Variants in ACSF3 observed in about 807,000 individuals in gnomAD.
ACSF3 encodes acyl-CoA synthetase family member 3, also known as malonate--CoA ligase ACSF3, mitochondrial.
ACSF3 carries 78 observed loss-of-function variants against 53.2 expected under a neutral mutation model. That is an observed-to-expected ratio of 1.47 (90% CI 1.22 to 1.77). ACSF3 has a LOEUF of 1.77. Ranked by LOEUF, ACSF3 falls within the 40% of genes most tolerant of loss-of-function variation. ACSF3 has a pLI of 0.00. For missense variants in ACSF3, 937 were observed against 771.1 expected, an observed-to-expected ratio of 1.22 and a Z score of -2.55; for synonymous variants, 414 against 333.1, an observed-to-expected ratio of 1.24 and a Z score of -2.65.
At chr16:89,132,599 C>A (rs1234886878) in intron 7 of ACSF3, among the ~76,000 whole-genome samples, 1 of 152,266 alleles carries the variant, frequency 6.6e-6, no homozygotes, top group Non-Finnish European at 1.5e-5. Context: ...CCCCACCTTC[C>A]CTTCCCACGG....
At chr16:89,097,239 T>C (rs1597870632) in intron 1 of ACSF3, among the ~76,000 whole-genome samples, 1 of 152,354 alleles carries the variant, frequency 6.6e-6, no homozygotes, top group East Asian at 1.9e-4. Context: ...ACTCGGTTCT[T>C]TGTGGTCTGC....
At chr16:89,135,718 C>G (rs1193725042) in intron 8 of ACSF3, among the ~76,000 whole-genome samples, 1 of 152,248 alleles carries the variant, frequency 6.6e-6, no homozygotes, top group East Asian at 1.9e-4. Flanking sequence ...GAGCATCCCT[C>G]CAGTGCCCTC....
intron 3 of ACSF3, among the ~76,000 whole-genome samples, chr16:89,101,989 G>C (rs1048014347): frequency 2.6e-5 from 4 of 152,172 alleles, no homozygotes; most frequent in African/African-American, 9.7e-5. Flanking sequence ...GACGGGCTCT[G>C]GACTCCTCTG....
intron 5 of ACSF3, 103 bp downstream of exon 5, chr16:89,112,349 T>C: frequency 6.1e-6 from 9 of 1,469,986 alleles, no homozygotes; most frequent in Non-Finnish European, 8.5e-6. Flanking sequence ...GAAGCAGTGC[T>C]TTCCATTTCC....
intron 5 of ACSF3, 97 bp from the exon 6 acceptor site, chr16:89,114,242 C>A: frequency 6.4e-7 from 1 of 1,565,226 alleles, no homozygotes; most frequent in Non-Finnish European, 8.7e-7. Flanking sequence ...GCCACTTTTG[C>A]AAGCAAGGGC....
chr16:89,145,043 TG>T, intron 8 of ACSF3: 1 of 1,258,356 alleles, frequency 7.9e-7, no homozygotes, highest in Non-Finnish European at 1.1e-6. Context: ...CCCCACATCA[TG>T]GGCACAGTCC....
intron 8 of ACSF3, among the ~76,000 whole-genome samples, chr16:89,144,220 T>C (rs1287175711): frequency 6.6e-6 from 1 of 152,244 alleles, no homozygotes; most frequent in Non-Finnish European, 1.5e-5. Context: ...GCTGGTGGTG[T>C]CTGTGTTGAG....
Position 89,101,289 on chromosome 16 carries a change from G to A in ACSF3, c.608G>A (p.Ser203Asn). The change falls in exon 3 of 11, where the codon AGT (serine) becomes AAT (asparagine). Residue 203 changes from serine to asparagine, a missense_variant. Coordinates refer to ENST00000614302, the MANE Select transcript of ACSF3 (RefSeq NM_001243279.3). The stretch of plus-strand genomic sequence containing the variant: ...AAGGGCGCCATGATCATCTACACCA[G>A]TGGGACCACGGGGAGGCCCAAGGGC... ...RNKGAMIIYTSGTTGRPKGVL... is the reference protein window; with the variant it reads ...RNKGAMIIYTNGTTGRPKGVL... The A allele has an allele frequency of 6.2e-7, 1 of 1,603,112 alleles. No homozygotes were observed. Among genetic ancestry groups the A allele is most frequent in the Non-Finnish European group, 8.5e-7 (1 of 1,175,400 alleles).
chr16:89,140,380 G>T (rs1911518558), intron 8 of ACSF3, among the ~76,000 whole-genome samples: 1 of 152,224 alleles, frequency 6.6e-6, no homozygotes, highest in Admixed American at 6.5e-5. Context: ...ACACACACGG[G>T]CACCTGTTCC....
chr16:89,122,611 C>T (rs1471697597), intron 7 of ACSF3: 2 of 236,390 alleles, frequency 8.5e-6, no homozygotes, highest in Non-Finnish European at 1.8e-5. Flanking sequence ...TTGGGGACAC[C>T]ATCTAGTCAG....
At chr16:89,107,663 G>A (rs370906326) in intron 4 of ACSF3, among the ~76,000 whole-genome samples, 9 of 152,344 alleles carry the variant, frequency 5.9e-5, no homozygotes, top group African/African-American at 2.2e-4. Flanking sequence ...GCTATTAGAA[G>A]TCACGGTTGC....
At chr16:89,100,477 C>G in intron 2 of ACSF3, 185 bp from the exon 3 acceptor site, 1 of 613,546 alleles carries the variant, frequency 1.6e-6, no homozygotes, top group Non-Finnish European at 2.8e-6. Context: ...ATGCTGGGCA[C>G]GTACGGAACG....
chr16:89,119,739 G>A (rs1906148215), intron 6 of ACSF3, among the ~76,000 whole-genome samples: 1 of 152,140 alleles, frequency 6.6e-6, no homozygotes, highest in East Asian at 1.9e-4. Flanking sequence ...CACTAGCCCG[G>A]CTTCGCCTGC....
chr16:89,146,831 CAGT>C (rs1913056325), intron 10 of ACSF3, among the ~76,000 whole-genome samples: 1 of 152,202 alleles, frequency 6.6e-6, no homozygotes, highest in Non-Finnish European at 1.5e-5. Flanking sequence ...CTTTTGCCAG[CAGT>C]GGTGGTGGTC....
intron 4 of ACSF3, among the ~76,000 whole-genome samples, chr16:89,103,207 C>G (rs1303130335): frequency 1.3e-5 from 2 of 152,226 alleles, no homozygotes; most frequent in Non-Finnish European, 2.9e-5. Context: ...ACTGGATGAG[C>G]GGAGGTGACT....
At chr16:89,123,041 G>A (rs958128401) in intron 7 of ACSF3, among the ~76,000 whole-genome samples, 5 of 152,212 alleles carry the variant, frequency 3.3e-5, no homozygotes, top group Non-Finnish European at 7.3e-5. Context: ...AGATGCTCTG[G>A]GGCTGCTTAA....
In ACSF3 at chr16:89,101,495, G is replaced by A. The variant is rs919269403; in HGVS notation, c.666+148G>A. 154 of 1,495,224 alleles carry A rather than the reference G, an allele frequency of 1.0e-4. No individual in the cohort carries two copies. In the South Asian group the frequency reaches 1.1e-3, roughly 11 times the overall value. The allele number at this position is 1,495,224 out of a possible 1,614,324, so 92.6% of individuals were successfully genotyped here. On this transcript the variant is annotated intron_variant, in intron 3 of 10. Transcript: ENST00000614302. ...GCAGACCCGTGTGAGATACAGGGAC[G>A]CAGGCCCTCGGGGTGTGGCCGCTGG...
At chr16:89,131,012 A>G (rs1315613311) in intron 7 of ACSF3, among the ~76,000 whole-genome samples, 2 of 148,870 alleles carry the variant, frequency 1.3e-5, no homozygotes, top group African/African-American at 5.0e-5. Flanking sequence ...TGTATTTTTC[A>G]GTTTTTAAAT....
At chr16:89,121,461 G>T (rs1185195248) in intron 7 of ACSF3, among the ~76,000 whole-genome samples, 1 of 152,216 alleles carries the variant, frequency 6.6e-6, no homozygotes, top group Non-Finnish European at 1.5e-5. Flanking sequence ...AGCTGACAAG[G>T]GTGAACAAGA....
Sources: gnomAD v4.1 joint callset for allele counts (sites outside exome capture counted in the v4.1 genomes callset) on GRCh38, gnomAD v4.1.1 for gene constraint, MANE v1.5 for transcripts, NCBI Gene and HGNC (gene_info 2026-07-23, HGNC 2026-07-21) for gene names.